Variants in BRCA2 observed in about 807,000 individuals in gnomAD.
The protein encoded by BRCA2 is breast cancer type 2 susceptibility protein.
Under a neutral mutation model 276.7 loss-of-function variants are expected in BRCA2, and 203 were observed. That is an observed-to-expected ratio of 0.73 (90% CI 0.65 to 0.82). The LOEUF is 0.82. Among genes scored for constraint, BRCA2 ranks in the 40% least tolerant of loss-of-function variants. The pLI is 0.00. For synonymous variants in BRCA2, 1,289 were observed against 1,338.4 expected, an observed-to-expected ratio of 0.96 and a Z score of 0.81; for missense variants, 3,920 against 3,915.0, an observed-to-expected ratio of 1.00 and a Z score of -0.03.
At chr13:32,335,614 A>G (rs2072441946) in intron 10 of BRCA2, among the ~76,000 whole-genome samples, 1 of 152,168 alleles carries the variant, frequency 6.6e-6, no homozygotes, top group Admixed American at 6.5e-5. Flanking sequence ...TCACACCAGT[A>G]TTAACAGCAA....
At chr13:32,384,344 C>A (rs2072944489) in intron 24 of BRCA2, among the ~76,000 whole-genome samples, 1 of 151,946 alleles carries the variant, frequency 6.6e-6, no homozygotes, top group South Asian at 2.1e-4. Flanking sequence ...TCCAGAGGCC[C>A]CATTGAAAGG....
rs1372922164 is a variant in BRCA2, at chr13:32,331,033, A to G, written c.793+3A>G. ...TCAAAGAGAAGCTGCAAGTCATGGTAAGTCCTCTGTTTAGTTGAACTACAG... is the reference window on the plus strand; with the variant it reads ...TCAAAGAGAAGCTGCAAGTCATGGTGAGTCCTCTGTTTAGTTGAACTACAG... On this transcript the variant is annotated splice_donor_region_variant and intron_variant, in intron 9 of 26. Coordinates refer to ENST00000380152, the MANE Select transcript of BRCA2 (RefSeq NM_000059.4). The G allele has an allele frequency of 6.3e-7, 1 of 1,597,178 alleles. No homozygotes were observed. Among genetic ancestry groups the G allele is most frequent in the Non-Finnish European group, 8.6e-7 (1 of 1,165,022 alleles).
chr13:32,347,957 C>G (rs891262218), intron 13 of BRCA2, among the ~76,000 whole-genome samples: 2 of 152,028 alleles, frequency 1.3e-5, no homozygotes, highest in African/African-American at 4.8e-5. Flanking sequence ...AACATAGTCA[C>G]CAAAGTACAA....
chr13:32,326,952 A>G (rs940027191), intron 7 of BRCA2, among the ~76,000 whole-genome samples: 1 of 152,238 alleles, frequency 6.6e-6, no homozygotes, highest in Non-Finnish European at 1.5e-5. Context: ...TAATTGGGGC[A>G]TTAAAGCAGC....
In BRCA2 at chr13:32,316,466, T is replaced by C. The variant is rs746566500; in HGVS notation, c.6T>C (p.Pro2=). 2 of 1,613,884 alleles carry C rather than the reference T, an allele frequency of 1.2e-6. No homozygotes were observed. Among genetic ancestry groups the C allele is most frequent in the East Asian group, 4.5e-5 (2 of 44,876 alleles). Residue 2 remains proline, a synonymous_variant, in exon 2 of 27, where the codon CCT becomes CCC. Coordinates refer to ENST00000380152, the MANE Select transcript of BRCA2 (RefSeq NM_000059.4). M[P]IGSKERPTFF... ...GAGGAATATCGTAGGTAAAAATGCCTATTGGATCCAAAGAGAGGCCAACAT... is the reference window on the plus strand; with the variant it reads ...GAGGAATATCGTAGGTAAAAATGCCCATTGGATCCAAAGAGAGGCCAACAT...
rs770778164 is a variant in BRCA2 at position 32,336,881 on chromosome 13, A to C, written c.2526A>C (p.Val842=). The change falls in exon 11 of 27, where the codon GTA becomes GTC. Residue 842 remains valine, a synonymous_variant. Transcript: ENST00000380152. ...TGCCACCTGAAAAATACATGAGAGTAGCATCACCTTCAAGAAAGGTACAAT... is the reference window on the plus strand; with the variant it reads ...TGCCACCTGAAAAATACATGAGAGTCGCATCACCTTCAAGAAAGGTACAAT... ...ELLPPEKYMR[V]ASPSRKVQFN... The C allele has an allele frequency of 3.7e-6, 6 of 1,610,380 alleles. No individual in the cohort carries two copies. The African/African-American group carries it at 8.0e-5, about 22-fold the overall frequency.
intron 13 of BRCA2, among the ~76,000 whole-genome samples, chr13:32,348,487 A>G (rs990673691): frequency 1.3e-5 from 2 of 152,178 alleles, no homozygotes; most frequent in African/African-American, 4.8e-5. Context: ...CCATAATAGT[A>G]TGAATTCTCT....
At chr13:32,366,055 A>C (rs1257920747) in intron 18 of BRCA2, among the ~76,000 whole-genome samples, 3 of 151,958 alleles carry the variant, frequency 2.0e-5, no homozygotes, top group Non-Finnish European at 4.4e-5. Flanking sequence ...ATTTGTCTTT[A>C]AATATTTTTA....
intron 20 of BRCA2, among the ~76,000 whole-genome samples, 162 bp from the exon 21 acceptor site, chr13:32,376,508 T>C (rs2072872456): frequency 6.7e-6 from 1 of 148,810 alleles, no homozygotes; most frequent in African/African-American, 2.5e-5. Context: ...GGTGACAGAG[T>C]GAGACCCTGT....
intron 2 of BRCA2, among the ~76,000 whole-genome samples, chr13:32,317,069 C>A (rs2072268323): frequency 6.6e-6 from 1 of 151,998 alleles, no homozygotes; most frequent in South Asian, 2.1e-4. Flanking sequence ...TGTGGTGGTG[C>A]GTGCCTGTAA....
At chr13:32,359,816 G>A (rs1424433952) in intron 16 of BRCA2, among the ~76,000 whole-genome samples, 1 of 152,138 alleles carries the variant, frequency 6.6e-6, no homozygotes, top group African/African-American at 2.4e-5. Flanking sequence ...GGAGGCTTTC[G>A]TTAGTTTTTT....
intron 3 of BRCA2, among the ~76,000 whole-genome samples, chr13:32,322,074 C>T (rs538130838): frequency 6.6e-6 from 1 of 152,250 alleles, no homozygotes; most frequent in East Asian, 1.9e-4. Context: ...TGTATAATGT[C>T]GTATATCTGC....
At chr13:32,369,054 C>T (rs887791128) in intron 18 of BRCA2, among the ~76,000 whole-genome samples, 5 of 152,020 alleles carry the variant, frequency 3.3e-5, no homozygotes, top group Admixed American at 2.0e-4. Flanking sequence ...GTGATCCACC[C>T]GCCTCGGCCT....
intron 3 of BRCA2, among the ~76,000 whole-genome samples, chr13:32,319,602 A>G (rs973325808): frequency 1.3e-5 from 2 of 152,180 alleles, no homozygotes; most frequent in African/African-American, 4.8e-5. Context: ...TCTTATGCCA[A>G]AAAAACCTAG....
Position 32,340,554 on chromosome 13 carries a change from T to A in BRCA2, c.6199T>A (p.Ser2067Thr), listed in dbSNP as rs143806921. ...TAGTACAGCAAGTGGAAAGCAAGTT[T>A]CCATTTTAGAAAGTTCCTTACACAA... Reference protein sequence around the residue: ...GFSTASGKQVSILESSLHKVK... With the variant: ...GFSTASGKQVTILESSLHKVK... Residue 2067 changes from serine to threonine, a missense_variant, in exon 11 of 27, where the codon TCC (serine) becomes ACC (threonine). By Grantham distance (58) the Ser-to-Thr change is moderately conservative. This residue lies in a region of BRCA2 where 3,263 missense variants were observed against 3,156.9 expected (regional missense o/e 1.03). Coordinates refer to ENST00000380152, the MANE Select transcript of BRCA2 (RefSeq NM_000059.4). The A allele has an allele frequency of 6.2e-7, 1 of 1,612,856 alleles. No individual in the cohort carries two copies. Among genetic ancestry groups the A allele is most frequent in the African/African-American group, 1.3e-5 (1 of 74,976 alleles).
chr13:32,396,850 T>C (rs1339766425), intron 25 of BRCA2, 48 bp from the exon 26 acceptor site: 2 of 1,607,940 alleles, frequency 1.2e-6, no homozygotes, highest in Non-Finnish European at 1.7e-6. Flanking sequence ...GAAACATAAA[T>C]ATGTGGGTTT....
intron 24 of BRCA2, among the ~76,000 whole-genome samples, chr13:32,381,310 CAAAG>C (rs1335156110): frequency 1.3e-5 from 2 of 151,704 alleles, no homozygotes; most frequent in African/African-American, 2.4e-5. Context: ...AGATTACAAA[CAAAG>C]AAATAAGTAA....
intron 18 of BRCA2, among the ~76,000 whole-genome samples, chr13:32,364,071 G>A (rs1194814578): frequency 6.6e-6 from 1 of 152,086 alleles, no homozygotes; most frequent in Non-Finnish European, 1.5e-5. Flanking sequence ...TAAAGAGAAT[G>A]TTTTATAAAT....
At chr13:32,370,610 A>ATTTG (rs1255927293) in intron 19 of BRCA2, 53 bp downstream of exon 19, 4 of 1,569,876 alleles carry the variant, frequency 2.5e-6, no homozygotes, top group East Asian at 4.5e-5. Flanking sequence ...GATACAATTA[A>ATTTG]TTTGTTTGTT....
Sources: gnomAD v4.1 joint callset for allele counts (sites outside exome capture counted in the v4.1 genomes callset) on GRCh38, gnomAD v4.1.1 for gene constraint, gnomAD v4.1.1 regional missense constraint, MANE v1.5 for transcripts, NCBI Gene and HGNC (gene_info 2026-07-23, HGNC 2026-07-21) for gene names.